Variants in ABCB11 observed in about 807,000 individuals in gnomAD.
ABCB11 encodes the protein ATP binding cassette subfamily B member 11, also known as bile salt export pump.
ABCB11 carries 95 observed loss-of-function variants against 148.0 expected under a neutral mutation model. The observed-to-expected ratio is 0.64, with a 90% CI of 0.54 to 0.76. The LOEUF is 0.76. ABCB11 is among the 30% of genes least tolerant of loss of function. The probability of loss-of-function intolerance (pLI) is 0.00; values close to 1 mark genes in which losing one functional copy is unlikely to be tolerated. For synonymous variants in ABCB11, 591 were observed against 555.4 expected (o/e 1.06, Z -0.90); for missense variants, 1,523 against 1,617.8 (o/e 0.94, Z 1.01).
intron 3 of ABCB11, among the ~76,000 whole-genome samples, chr2:169,014,720 G>A (rs1695301472): frequency 1.3e-5 from 2 of 151,996 alleles, no homozygotes; most frequent in South Asian, 4.2e-4. Context: ...TGAAGTGGTT[G>A]GATTAGCTAA....
Position 168,923,031 on chromosome 2 carries a change from C to T in ABCB11, c.*591G>A, listed in dbSNP as rs1411484326. ...TGCTAATACTTTCCCTTTCTGCCTC[C>T]CTCAGCCTGAGAGCATCCACCCTTT... On this transcript the variant is annotated 3_prime_UTR_variant, in exon 28 of 28. Transcript: ENST00000650372. 1 of 154,476 alleles carries T rather than the reference C, an allele frequency of 6.5e-6. No homozygotes were observed. The highest frequency in any genetic ancestry group is 1.4e-5 in the Non-Finnish European group (1 of 69,642). The allele number at this position is 154,476 out of a possible 1,614,324, so 9.6% of individuals were successfully genotyped here. A position where few individuals can be genotyped will look rare whatever the true frequency, so the allele number is the denominator to read the frequency against.
In ABCB11 at chr2:168,927,445, T is replaced by C. The variant is rs377425768; in HGVS notation, c.3412-83A>G. 635 of 1,169,954 alleles carry C rather than the reference T, an allele frequency of 5.4e-4. 6 individuals are homozygous for C. The South Asian group carries it at 7.1e-3, about 13-fold the overall frequency. 72.5% of individuals were successfully genotyped at this position (1,169,954 alleles called of 1,614,324 possible). A position where few individuals can be genotyped will look rare whatever the true frequency, so the allele number is the denominator to read the frequency against. ...GTTCATATTCTAGCATTAGGTGTTA[T>C]GCAGGACATTTGGTTTGCTTAACAG... is the stretch of plus-strand genomic sequence containing the variant. On this transcript the variant is annotated intron_variant, in intron 25 of 27. Coordinates refer to ENST00000650372, the MANE Select transcript of ABCB11 (RefSeq NM_003742.4).
At chr2:168,985,989 C>T in intron 10 of ABCB11, 121 bp downstream of exon 10, 1 of 840,684 alleles carries the variant, frequency 1.2e-6, no homozygotes, top group East Asian at 3.0e-5. Flanking sequence ...AGACAGACTC[C>T]ATAAAATCAT....
intron 17 of ABCB11, among the ~76,000 whole-genome samples, chr2:168,964,699 T>C (rs1000489348): frequency 6.6e-5 from 10 of 151,824 alleles, no homozygotes; most frequent in Non-Finnish European, 1.2e-4. Context: ...CTGGCTTAGA[T>C]TGTGGTCTTG....
chr2:169,013,598 G>T, intron 4 of ABCB11, 88 bp from the exon 5 acceptor site: 1 of 1,067,236 alleles, frequency 9.4e-7, no homozygotes, highest in Non-Finnish European at 1.4e-6. Context: ...AGATTCTCAT[G>T]AATAGTACTC....
At chr2:169,019,282 G>A (rs1171392628) in intron 1 of ABCB11, among the ~76,000 whole-genome samples, 3 of 152,180 alleles carry the variant, frequency 2.0e-5, no homozygotes, top group Non-Finnish European at 4.4e-5. Context: ...CAGAAGCAGA[G>A]AGTGGAGAAT....
At chr2:169,005,249 AC>A (rs1425612018) in intron 5 of ABCB11, among the ~76,000 whole-genome samples, 3 of 152,050 alleles carry the variant, frequency 2.0e-5, no homozygotes, top group African/African-American at 7.2e-5. Context: ...GGGCAGGGCC[AC>A]AGAGTTCCCA....
intron 17 of ABCB11, among the ~76,000 whole-genome samples, 199 bp downstream of exon 17, chr2:168,968,228 C>G (rs1296203173): frequency 9.6e-6 from 1 of 104,236 alleles, no homozygotes; most frequent in Non-Finnish European, 2.3e-5. Context: ...AGATGAGAAG[C>G]TAACCAAAAA....
intron 2 of ABCB11, among the ~76,000 whole-genome samples, 180 bp from the exon 3 acceptor site, chr2:169,016,979 T>TATACACAC (rs1553473414): frequency 7.2e-6 from 1 of 138,004 alleles, no homozygotes; most frequent in Non-Finnish European, 1.6e-5. Flanking sequence ...TCTATCTTTC[T>TATACACAC]ACACACACAC....
intron 21 of ABCB11, among the ~76,000 whole-genome samples, chr2:168,943,996 C>G (rs1009776237): frequency 6.6e-6 from 1 of 151,850 alleles, no homozygotes; most frequent in Non-Finnish European, 1.5e-5. Flanking sequence ...CACTTTAATC[C>G]AAACACCTGG....
At chr2:169,029,724 CTTTTTTTTTTTTTTTTT>C (rs1166356679) in intron 1 of ABCB11, among the ~76,000 whole-genome samples, 1 of 88,306 alleles carries the variant, frequency 1.1e-5, no homozygotes, top group Non-Finnish European at 2.0e-5. Flanking sequence ...GTTCTTTCCT[CTTTTTTTTTTTTTTTTT>C]TTTTTTTTTT....
intron 1 of ABCB11, among the ~76,000 whole-genome samples, chr2:169,029,854 C>T (rs1695811940): frequency 6.9e-6 from 1 of 144,472 alleles, no homozygotes; most frequent in South Asian, 2.3e-4. Context: ...CATTCTCCTG[C>T]CTCAGCCTCC....
At chr2:169,006,735 A>G (rs1195106267) in intron 5 of ABCB11, among the ~76,000 whole-genome samples, 25 of 152,178 alleles carry the variant, frequency 1.6e-4, no homozygotes, top group Admixed American at 1.6e-3. Context: ...CAATATACAA[A>G]AAAAGTTGTA....
At chr2:168,984,891 G>C (rs1319130417) in intron 10 of ABCB11, among the ~76,000 whole-genome samples, 1 of 151,998 alleles carries the variant, frequency 6.6e-6, no homozygotes, top group Non-Finnish European at 1.5e-5. Flanking sequence ...TCATGACCAA[G>C]AACCCAAAAG....
chr2:168,974,434 A>G (rs1292316758), intron 12 of ABCB11, among the ~76,000 whole-genome samples: 1 of 152,016 alleles, frequency 6.6e-6, no homozygotes, highest in African/African-American at 2.4e-5. Context: ...CTATCTGTCA[A>G]TATTTTCACC....
intron 1 of ABCB11, among the ~76,000 whole-genome samples, chr2:169,027,222 C>T (rs545043382): frequency 6.6e-6 from 1 of 152,250 alleles, no homozygotes; most frequent in Non-Finnish European, 1.5e-5. Context: ...AATGTATTTT[C>T]CAATAAACTT....
rs1254519359 is a variant in ABCB11, at chr2:168,923,487, TGTAAAA to T, written c.*129_*134del. ...TTGGATTCCGATGTAGGAAAATGAC[TGTAAAA>T]GTAAAATATTAACATTCTTCTTTAA... On this transcript the variant is annotated 3_prime_UTR_variant, in exon 28 of 28. Coordinates refer to ENST00000650372, the MANE Select transcript of ABCB11 (RefSeq NM_003742.4). 1 of 791,958 alleles carries T rather than the reference TGTAAAA, an allele frequency of 1.3e-6. No homozygotes were observed. The highest frequency in any genetic ancestry group is 2.0e-6 in the Non-Finnish European group (1 of 496,918). The allele number at this position is 791,958 out of a possible 1,614,324, so 49.1% of individuals were successfully genotyped here.
intron 19 of ABCB11, among the ~76,000 whole-genome samples, chr2:168,953,318 T>C (rs1225971486): frequency 6.6e-6 from 1 of 151,690 alleles, no homozygotes; most frequent in African/African-American, 2.4e-5. Context: ...TCCCCCACTA[T>C]TATTGCATTG....
At chr2:168,968,540 C>A (rs1693418940) in intron 16 of ABCB11, 50 bp from the exon 17 acceptor site, 3 of 1,431,070 alleles carry the variant, frequency 2.1e-6, no homozygotes, top group African/African-American at 1.4e-5. Flanking sequence ...TAAACAGAAC[C>A]ATATCCAAGT....
Sources: allele counts gnomAD v4.1 joint callset (sites outside exome capture counted in the v4.1 genomes callset), GRCh38; gene constraint gnomAD v4.1.1; transcripts MANE v1.5; gene names NCBI Gene and HGNC (gene_info 2026-07-23, HGNC 2026-07-21).